SORCS3: variants seen among roughly 807,000 people sequenced by gnomAD.
The protein encoded by SORCS3 is sortilin related VPS10 domain containing receptor 3, also known as VPS10 domain-containing receptor SorCS3.
In SORCS3, 57 loss-of-function variants were observed where a neutral mutation model predicts 146.3. The observed-to-expected ratio is 0.39, with a 90% CI of 0.31 to 0.49. The LOEUF is 0.49. Ranked by LOEUF, SORCS3 falls within the 20% of genes least tolerant of loss-of-function variation. SORCS3 has a pLI of 0.92. For synonymous variants in SORCS3, 653 were observed against 618.5 expected (o/e 1.06, Z -0.83); for missense variants, 1,341 against 1,575.5 (o/e 0.85, Z 2.52).
chr10:104,980,795 C>T (rs1199865586), intron 4 of SORCS3, among the ~76,000 whole-genome samples: 1 of 152,156 alleles, frequency 6.6e-6, no homozygotes, highest in African/African-American at 2.4e-5. Flanking sequence ...TTCCCAAATG[C>T]TACCCCAAAG....
At chr10:105,192,484 G>A (rs2056522286) in intron 14 of SORCS3, among the ~76,000 whole-genome samples, 1 of 152,076 alleles carries the variant, frequency 6.6e-6, no homozygotes, top group Non-Finnish European at 1.5e-5. Context: ...GCTTCACCCT[G>A]CTCTGTTTCT....
chr10:104,757,542 G>A (rs1430856434), intron 1 of SORCS3, among the ~76,000 whole-genome samples: 1 of 152,144 alleles, frequency 6.6e-6, no homozygotes, highest in East Asian at 1.9e-4. Context: ...TTGCGCTTCT[G>A]CCACAGAGCC....
intron 1 of SORCS3, among the ~76,000 whole-genome samples, chr10:104,760,684 A>G (rs2017109807): frequency 6.6e-6 from 1 of 152,226 alleles, no homozygotes; most frequent in African/African-American, 2.4e-5. Context: ...TGGAAAATTG[A>G]CATGAGAGGC....
At chr10:104,920,271 C>T (rs935798410) in intron 3 of SORCS3, among the ~76,000 whole-genome samples, 1 of 152,192 alleles carries the variant, frequency 6.6e-6, no homozygotes, top group Non-Finnish European at 1.5e-5. Context: ...AGATCTGTTG[C>T]CCCTGGCAAA....
intron 4 of SORCS3, among the ~76,000 whole-genome samples, chr10:105,042,672 A>C (rs1564741049): frequency 6.6e-6 from 1 of 152,184 alleles, no homozygotes; most frequent in Non-Finnish European, 1.5e-5. Context: ...AGCAGTAAGA[A>C]ATGAAAGTAA....
intron 7 of SORCS3, among the ~76,000 whole-genome samples, chr10:105,110,580 G>T (rs2055853008): frequency 1.3e-5 from 2 of 151,992 alleles, no homozygotes; most frequent in Non-Finnish European, 2.9e-5. Context: ...AATCCTTCTT[G>T]GTTCTCACTG....
chr10:104,657,511 GT>G (rs1252326887), intron 1 of SORCS3, among the ~76,000 whole-genome samples: 1 of 152,154 alleles, frequency 6.6e-6, no homozygotes, highest in African/African-American at 2.4e-5. Context: ...ACTTAGGAGT[GT>G]TTTTTTCGTG....
intron 19 of SORCS3, among the ~76,000 whole-genome samples, chr10:105,222,525 C>A (rs117619319): frequency 6.6e-6 from 1 of 152,194 alleles, no homozygotes; most frequent in Non-Finnish European, 1.5e-5. Context: ...GCTTGGTTAC[C>A]TTTCTGCAAG....
chr10:104,977,977 G>T (rs1014369284), intron 4 of SORCS3, among the ~76,000 whole-genome samples: 2 of 151,910 alleles, frequency 1.3e-5, no homozygotes, highest in Non-Finnish European at 2.9e-5. Context: ...TGATCCGCCC[G>T]CCTCGGCCTC....
At chr10:104,685,495 G>A (rs1475653823) in intron 1 of SORCS3, among the ~76,000 whole-genome samples, 1 of 152,214 alleles carries the variant, frequency 6.6e-6, no homozygotes, top group Non-Finnish European at 1.5e-5. Flanking sequence ...AAGGTTGCCT[G>A]CATGAGGTGC....
At position 105,033,454 on chromosome 10, in the gene SORCS3, T is replaced by C. The variant is rs547407155; in HGVS notation, c.955-9601T>C. 2.0e-5 allele frequency among the ~76,000 whole-genome samples: 3 copies of C among 152,328 alleles called. No individual in the cohort carries two copies. The South Asian group carries it at 6.2e-4, about 32-fold the overall frequency. ...TGAAAAGAACTGTCCAGGTTATCTC[T>C]AAGGCCATGTTTATGATTCTCTGAT... is the stretch of plus-strand genomic sequence containing the variant. On this transcript the variant is annotated intron_variant, in intron 4 of 26. Coordinates refer to ENST00000369701, the MANE Select transcript of SORCS3 (RefSeq NM_014978.3).
At chr10:105,243,370 A>G (rs1230953093) in intron 20 of SORCS3, among the ~76,000 whole-genome samples, 1 of 152,142 alleles carries the variant, frequency 6.6e-6, no homozygotes, top group Non-Finnish European at 1.5e-5. Context: ...GTGAGTTTCA[A>G]GTCACTGTTC....
chr10:105,117,839 A>G (rs2055903910), intron 7 of SORCS3, among the ~76,000 whole-genome samples: 1 of 152,178 alleles, frequency 6.6e-6, no homozygotes, highest in Non-Finnish European at 1.5e-5. Context: ...CCTCTCAATA[A>G]TTAACATAGT....
intron 1 of SORCS3, chr10:104,665,738 A>G (rs1457962077): frequency 6.6e-6 from 1 of 152,190 alleles, no homozygotes; most frequent in Non-Finnish European, 1.5e-5. Flanking sequence ...GTTCTTAACA[A>G]GGTGGTTTGA....
Position 105,053,237 on chromosome 10 carries a change from A to AT in SORCS3, c.1028+10119dup, listed in dbSNP as rs539611916. Among the ~76,000 whole-genome samples the AT allele has an allele frequency of 4.6e-3, 688 of 149,644 alleles. 2 individuals carry two copies. Among genetic ancestry groups the AT allele is most frequent in the South Asian group, 0.016 (76 of 4,714 alleles). ...AGTTTGGAGGTTAGAGCTTCAACATATTTTTTTTTTGGAGAGATACAATTC... is the reference window on the plus strand; with the variant it reads ...AGTTTGGAGGTTAGAGCTTCAACATATTTTTTTTTTTGGAGAGATACAATTC... On this transcript the variant is annotated intron_variant, in intron 5 of 26. Coordinates refer to ENST00000369701, the MANE Select transcript of SORCS3 (RefSeq NM_014978.3).
intron 1 of SORCS3, among the ~76,000 whole-genome samples, chr10:104,841,074 A>T (rs1274923034): frequency 2.0e-5 from 3 of 152,152 alleles, no homozygotes; most frequent in African/African-American, 7.2e-5. Flanking sequence ...GTGTGTGTGT[A>T]TACCATATAT....
chr10:105,228,372 C>A (rs970165241), intron 20 of SORCS3, among the ~76,000 whole-genome samples: 1 of 151,114 alleles, frequency 6.6e-6, no homozygotes, highest in South Asian at 2.1e-4. Context: ...TTCTTTCTCT[C>A]TTTTCTTTCT....
intron 1 of SORCS3, among the ~76,000 whole-genome samples, chr10:104,808,742 A>G (rs368912156): frequency 1.2e-4 from 19 of 152,368 alleles, no homozygotes; most frequent in East Asian, 7.7e-4. Flanking sequence ...GAGTATTTAC[A>G]TCAGTTATTC....
chr10:104,652,530 C>G lies in SORCS3; in HGVS notation c.627+10576C>G, dbSNP rs148467415. ...CACCTCTCCTTCATTCCTTAAGGAG[C>G]TAGAGACCCTTTGACAACAGATTTG... On this transcript the variant is annotated intron_variant, in intron 1 of 26. Coordinates refer to ENST00000369701, the MANE Select transcript of SORCS3 (RefSeq NM_014978.3). 9.2e-5 allele frequency among the ~76,000 whole-genome samples: 14 copies of G among 152,292 alleles called. No homozygotes were observed. In the East Asian group the frequency reaches 2.7e-3, roughly 29 times the overall value.
Sources: allele counts gnomAD v4.1 joint callset (sites outside exome capture counted in the v4.1 genomes callset), GRCh38; gene constraint gnomAD v4.1.1; transcripts MANE v1.5; gene names NCBI Gene and HGNC (gene_info 2026-07-23, HGNC 2026-07-21).